The following SVEP1 variants were observed in gnomAD, a reference collection of about 807,000 sequenced individuals.
The protein encoded by SVEP1 is sushi, von Willebrand factor type A, EGF and pentraxin domain containing 1.
Under a neutral mutation model 367.3 loss-of-function variants are expected in SVEP1, and 164 were observed. That is an observed-to-expected ratio of 0.45 (90% CI 0.39 to 0.51). The LOEUF (loss-of-function observed/expected upper bound fraction) is 0.51. Among genes scored for constraint, SVEP1 ranks in the 20% least tolerant of loss-of-function variants. The pLI is 0.00. For missense variants in SVEP1, 4,117 were observed against 4,425.3 expected (o/e 0.93, Z 1.98); for synonymous variants, 1,666 against 1,611.6 (o/e 1.03, Z -0.81).
chr9:110,409,252 A>T (rs1307963140), intron 37 of SVEP1, among the ~76,000 whole-genome samples: 1 of 152,118 alleles, frequency 6.6e-6, no homozygotes, highest in Non-Finnish European at 1.5e-5. Flanking sequence ...CCTGGCCAAC[A>T]TGGTGAAACC....
chr9:110,404,449 G>A lies in SVEP1; in HGVS notation c.9544C>T (p.Pro3182Ser), dbSNP rs780975609. ...ATATGTGTTATGTTTTCCGGGAGAG[G>A]ACATTTTTTAGGACTGCAGGAGATT... ...ERISCSPKKC[P>S]LPENITHILV... The change falls in exon 39 of 48, where the codon CCT becomes TCT. Residue 3182 changes from proline to serine, a missense_variant. Pro to Ser is a moderately conservative substitution (Grantham distance 74). Transcript: ENST00000374469. 6.8e-6 allele frequency: 11 copies of A among 1,613,974 alleles called. No homozygotes were observed. In the Middle Eastern group the frequency reaches 8.2e-4, roughly 121 times the overall value.
intron 9 of SVEP1, among the ~76,000 whole-genome samples, chr9:110,486,663 T>C (rs1367292912): frequency 6.6e-6 from 1 of 151,724 alleles, no homozygotes; most frequent in Non-Finnish European, 1.5e-5. Context: ...CTCTTTTTTT[T>C]TTTAGATGGA....
chr9:110,439,675 C>G (rs570808234), intron 27 of SVEP1, among the ~76,000 whole-genome samples: 1 of 152,088 alleles, frequency 6.6e-6, no homozygotes, highest in Admixed American at 6.6e-5. Flanking sequence ...GCTGGGACTA[C>G]AGGTGTGAGC....
intron 7 of SVEP1, 141 bp from the exon 8 acceptor site, chr9:110,497,074 C>G (rs1829461645): frequency 3.7e-6 from 2 of 541,988 alleles, no homozygotes; most frequent in East Asian, 5.9e-5. Flanking sequence ...GAATCTGCAC[C>G]CACCTGCTTT....
chr9:110,473,441 T>G (rs984983976), intron 14 of SVEP1, among the ~76,000 whole-genome samples: 10 of 137,892 alleles, frequency 7.3e-5, no homozygotes, highest in African/African-American at 2.6e-4. Context: ...CATATGTGCA[T>G]ACATACATAT....
At chr9:110,566,955 T>G (rs1348225366) in intron 1 of SVEP1, among the ~76,000 whole-genome samples, 1 of 152,174 alleles carries the variant, frequency 6.6e-6, no homozygotes, top group Non-Finnish European at 1.5e-5. Flanking sequence ...TTTATATTGC[T>G]CTCTCGGGAA....
chr9:110,441,568 G>A (rs1186806752), intron 27 of SVEP1, among the ~76,000 whole-genome samples: 1 of 152,220 alleles, frequency 6.6e-6, no homozygotes, highest in Non-Finnish European at 1.5e-5. Context: ...TGCTCAGTGT[G>A]TGGATACACA....
chr9:110,404,221 A>ATG, intron 39 of SVEP1, 106 bp downstream of exon 39: 1 of 1,123,180 alleles, frequency 8.9e-7, no homozygotes, highest in East Asian at 2.4e-5. Context: ...AATGAGTGAA[A>ATG]ACTTCAGACT....
intron 36 of SVEP1, among the ~76,000 whole-genome samples, chr9:110,412,168 G>T (rs1302429014): frequency 6.6e-6 from 1 of 152,160 alleles, no homozygotes; most frequent in Non-Finnish European, 1.5e-5. Context: ...AGTGCTATTT[G>T]ACTCAAATAT....
At chr9:110,444,752 GAA>G (rs573106547) in intron 26 of SVEP1, among the ~76,000 whole-genome samples, 1 of 147,586 alleles carries the variant, frequency 6.8e-6, no homozygotes, top group South Asian at 2.2e-4. Context: ...AGAGGTTTAT[GAA>G]AAAATAATAT....
intron 39 of SVEP1, 150 bp from the exon 40 acceptor site, chr9:110,401,159 TG>T: frequency 1.1e-6 from 1 of 875,832 alleles, no homozygotes; most frequent in East Asian, 2.7e-5. Context: ...ACTTATTATA[TG>T]TGGGCTTAAA....
chr9:110,494,752 TG>T (rs1829420294), intron 8 of SVEP1, among the ~76,000 whole-genome samples: 1 of 151,808 alleles, frequency 6.6e-6, no homozygotes, highest in Admixed American at 6.6e-5. Flanking sequence ...ATAAATATAG[TG>T]GGGTTTTTTT....
At chr9:110,451,439 T>C (rs1281334447) in intron 22 of SVEP1, 37 bp from the exon 23 acceptor site, 2 of 1,545,508 alleles carry the variant, frequency 1.3e-6, no homozygotes, top group South Asian at 1.1e-5. Flanking sequence ...TGGAGAAAAC[T>C]TGACAGAACT....
chr9:110,403,757 A>G (rs1021143387), intron 39 of SVEP1, among the ~76,000 whole-genome samples: 1 of 152,156 alleles, frequency 6.6e-6, no homozygotes, highest in African/African-American at 2.4e-5. Context: ...ATATGTTTCT[A>G]GATTTAGTGG....
chr9:110,489,430 T>C (rs185956898), intron 9 of SVEP1, among the ~76,000 whole-genome samples: 1 of 152,256 alleles, frequency 6.6e-6, no homozygotes, highest in East Asian at 1.9e-4. Context: ...AGCCACGTCT[T>C]ACATGGTGGC....
At chr9:110,398,890 G>A (rs1827812243) in intron 40 of SVEP1, among the ~76,000 whole-genome samples, 1 of 152,350 alleles carries the variant, frequency 6.6e-6, no homozygotes, top group South Asian at 2.1e-4. Flanking sequence ...CTTTTACACT[G>A]TTGGTGAGAC....
At chr9:110,454,075 ATTTG>A (rs1289519826) in intron 22 of SVEP1, among the ~76,000 whole-genome samples, 1 of 151,856 alleles carries the variant, frequency 6.6e-6, no homozygotes, top group Non-Finnish European at 1.5e-5. Context: ...TTGCTTGTTG[ATTTG>A]TTTAAGCTCC....
At chr9:110,450,404 T>C (rs1828674123) in intron 23 of SVEP1, 144 bp from the exon 24 acceptor site, 7 of 743,372 alleles carry the variant, frequency 9.4e-6, no homozygotes, top group Non-Finnish European at 6.5e-6. Flanking sequence ...TTGAGATCCA[T>C]TCTGTAATGG....
chr9:110,506,179 T>C (rs1829624143), intron 5 of SVEP1, among the ~76,000 whole-genome samples: 1 of 152,192 alleles, frequency 6.6e-6, no homozygotes, highest in Non-Finnish European at 1.5e-5. Flanking sequence ...TAGTATTTCA[T>C]GGTGCATATG....
Sources: gnomAD v4.1 joint callset for allele counts (sites outside exome capture counted in the v4.1 genomes callset) on GRCh38, gnomAD v4.1.1 for gene constraint, MANE v1.5 for transcripts, NCBI Gene and HGNC (gene_info 2026-07-23, HGNC 2026-07-21) for gene names.